MID1: variants seen among roughly 807,000 people sequenced by gnomAD.
The protein encoded by MID1 is midline 1.
Under a neutral mutation model 40.4 loss-of-function variants are expected in MID1, and 7 were observed. The observed-to-expected ratio is 0.17, with a 90% CI of 0.10 to 0.33. The LOEUF (loss-of-function observed/expected upper bound fraction) is 0.33. MID1 is among the 10% of genes least tolerant of loss of function. The pLI is 1.00. For missense variants in MID1, 367 were observed against 558.5 expected (o/e 0.66, Z 3.46); for synonymous variants, 229 against 221.2 (o/e 1.04, Z -0.31).
chrX:10,786,440 C>A (rs1426563726), intron 1 of MID1, among the ~76,000 whole-genome samples: 1 of 111,180 alleles, frequency 9.0e-6, no homozygotes, highest in Non-Finnish European at 1.9e-5. Context: ...ACTAGAAATA[C>A]CATTTGACCC....
At chrX:10,809,001 TG>T (rs1349433405) in intron 1 of MID1, among the ~76,000 whole-genome samples, 3 of 111,016 alleles carry the variant, frequency 2.7e-5, no homozygotes, top group Non-Finnish European at 5.7e-5. Flanking sequence ...ACCTACAGAA[TG>T]GGGGAAAAAT....
At chrX:10,574,439 T>C (rs186364576) in intron 1 of MID1, among the ~76,000 whole-genome samples, 3 of 112,226 alleles carry the variant, frequency 2.7e-5, no homozygotes, top group Admixed American at 1.9e-4. Flanking sequence ...CTTTTGACTC[T>C]AGAAATGTAA....
chrX:10,529,645 G>A (rs2147381859), intron 2 of MID1, among the ~76,000 whole-genome samples: 1 of 111,691 alleles, frequency 9.0e-6, no homozygotes, highest in Admixed American at 9.5e-5. Context: ...CTGCCATTGT[G>A]AACAAGCTGT....
At chrX:10,727,970 T>C (rs1256768620) in intron 1 of MID1, among the ~76,000 whole-genome samples, 3 of 112,080 alleles carry the variant, frequency 2.7e-5, no homozygotes, top group Non-Finnish European at 5.6e-5. Context: ...GTTGACTTGT[T>C]CAAACTTGAA....
chrX:10,637,352 G>C (rs377569033), intron 1 of MID1, among the ~76,000 whole-genome samples: 1 of 109,317 alleles, frequency 9.1e-6, no homozygotes, highest in African/African-American at 3.3e-5. Context: ...AGTTCTCTGG[G>C]CCTGCCAGAG....
intron 1 of MID1, among the ~76,000 whole-genome samples, chrX:10,654,609 G>A (rs540363848): frequency 8.9e-6 from 1 of 111,947 alleles, no homozygotes; most frequent in Non-Finnish European, 1.9e-5. Flanking sequence ...GAGCTCAGGC[G>A]ATAATGCTCA....
chrX:10,786,293 G>A (rs1359829194), intron 1 of MID1, among the ~76,000 whole-genome samples: 1 of 110,448 alleles, frequency 9.1e-6, no homozygotes, highest in African/African-American at 3.3e-5. Context: ...AGTTAGAATG[G>A]CAATCATTAA....
At chrX:10,729,838 A>T (rs1041265399) in intron 1 of MID1, among the ~76,000 whole-genome samples, 2 of 111,718 alleles carry the variant, frequency 1.8e-5, no homozygotes, top group Non-Finnish European at 3.8e-5. Context: ...TAATCCCAGC[A>T]CTTTGGGAGG....
chrX:10,521,360 A>G (rs771634814), intron 3 of MID1, among the ~76,000 whole-genome samples: 21 of 110,999 alleles, frequency 1.9e-4, no homozygotes, highest in African/African-American at 6.2e-4. Context: ...TACGTGATTC[A>G]GAGAAAGGAG....
chrX:10,833,001 G>T (rs1243222146), intron 1 of MID1, among the ~76,000 whole-genome samples: 6 of 112,566 alleles, frequency 5.3e-5, no homozygotes, highest in Non-Finnish European at 1.1e-4. Flanking sequence ...TCTTTACATT[G>T]TCTAGAACAA....
intron 1 of MID1, among the ~76,000 whole-genome samples, chrX:10,679,114 G>A (rs1346549222): frequency 8.9e-6 from 1 of 112,193 alleles, no homozygotes; most frequent in Non-Finnish European, 1.9e-5. Flanking sequence ...CAAATGGGCA[G>A]CAGTAGATTG....
chrX:10,550,737 A>G (rs1416559226), intron 2 of MID1, among the ~76,000 whole-genome samples: 1 of 111,640 alleles, frequency 9.0e-6, no homozygotes, highest in Non-Finnish European at 1.9e-5. Flanking sequence ...CTGGATGACT[A>G]TCTGTCTGGG....
intron 1 of MID1, among the ~76,000 whole-genome samples, chrX:10,823,294 G>T (rs763500706): frequency 2.1e-4 from 23 of 110,993 alleles, no homozygotes; most frequent in Admixed American, 6.7e-4. Context: ...GACACATTAT[G>T]GGGGAACGAC....
intron 1 of MID1, among the ~76,000 whole-genome samples, chrX:10,618,555 C>T (rs747523520): frequency 3.6e-5 from 4 of 111,989 alleles, no homozygotes; most frequent in Non-Finnish European, 5.6e-5. Flanking sequence ...AGTAGACATA[C>T]GTAGCTGTGA....
chrX:10,597,909 T>C (rs1380175491), intron 1 of MID1, among the ~76,000 whole-genome samples: 1 of 111,884 alleles, frequency 8.9e-6, no homozygotes, highest in Non-Finnish European at 1.9e-5. Context: ...ATGTGATATC[T>C]GCCATGTTCT....
chrX:10,662,143 A>G (rs1311985066), intron 1 of MID1, among the ~76,000 whole-genome samples: 4 of 111,621 alleles, frequency 3.6e-5, no homozygotes, highest in Non-Finnish European at 5.6e-5. Flanking sequence ...CATCTCTACT[A>G]AAAATACAAA....
chrX:10,665,499 G>C (rs1178344457), intron 1 of MID1, among the ~76,000 whole-genome samples: 1 of 108,958 alleles, frequency 9.2e-6, no homozygotes, highest in Non-Finnish European at 1.9e-5. Flanking sequence ...AACAGTTCCT[G>C]ACCTGTCACT....
chrX:10,469,026 G>A (rs1169709465), intron 7 of MID1, among the ~76,000 whole-genome samples: 1 of 111,812 alleles, frequency 8.9e-6, no homozygotes, highest in East Asian at 2.8e-4. Flanking sequence ...TTTCTTTCCA[G>A]TGGTGCCACT....
In MID1 at chrX:10,761,669, G is replaced by T. The variant is rs1014715153; in HGVS notation, c.-187+71885C>A. ...CTGGGCTAGCCTGTCCATACAAAGAGGAGGATGACAAGGACTTAGAGTAAA... is the reference window on the plus strand; with the variant it reads ...CTGGGCTAGCCTGTCCATACAAAGATGAGGATGACAAGGACTTAGAGTAAA... On this transcript the variant is annotated intron_variant, in intron 1 of 10. Coordinates refer to the MID1 transcript ENST00000380785. Among the ~76,000 whole-genome samples, 4 of 112,394 alleles carry T rather than the reference G, an allele frequency of 3.6e-5. No individual in the cohort carries two copies. In the Admixed American group the frequency reaches 3.8e-4, roughly 11 times the overall value.
Sources: allele counts gnomAD v4.1 joint callset (sites outside exome capture counted in the v4.1 genomes callset), GRCh38; gene constraint gnomAD v4.1.1; transcripts MANE v1.5; gene names NCBI Gene and HGNC (gene_info 2026-07-23, HGNC 2026-07-21).